Variants in TNRC18 observed in about 807,000 individuals in gnomAD.
The protein encoded by TNRC18 is trinucleotide repeat-containing gene 18 protein.
TNRC18 carries 69 observed loss-of-function variants against 226.7 expected under a neutral mutation model. The ratio of observed to expected loss-of-function variants is 0.30; its 90% CI spans 0.25 to 0.37. The LOEUF is 0.37. Among genes scored for constraint, TNRC18 ranks in the 10% least tolerant of loss-of-function variants. The pLI is 1.00. For synonymous variants in TNRC18, 2,449 were observed against 1,927.6 expected (o/e 1.27, Z -7.09); for missense variants, 4,754 against 4,256.6 (o/e 1.12, Z -3.25).
At chr7:5,351,462 G>A (rs1164375544) in intron 17 of TNRC18, among the ~76,000 whole-genome samples, 1 of 151,442 alleles carries the variant, frequency 6.6e-6, no homozygotes, top group Non-Finnish European at 1.5e-5. Context: ...GTCTCTGGGT[G>A]GGCAGAAAAC....
intron 2 of TNRC18, chr7:5,420,329 C>A (rs772864131): frequency 2.2e-6 from 1 of 454,760 alleles, no homozygotes; most frequent in East Asian, 7.0e-5. Context: ...CTCTTCTTTC[C>A]CCCTAGGTTC....
intron 2 of TNRC18, among the ~76,000 whole-genome samples, chr7:5,417,012 A>T (rs976322749): frequency 6.9e-6 from 1 of 144,466 alleles, no homozygotes; most frequent in African/African-American, 2.6e-5. Context: ...TAAGTAACAA[A>T]ATCAGCTGGG....
intron 1 of TNRC18, among the ~76,000 whole-genome samples, chr7:5,422,630 C>A (rs1410332755): frequency 1.3e-5 from 2 of 152,146 alleles, no homozygotes; most frequent in African/African-American, 2.4e-5. Flanking sequence ...CGGCGCCCTG[C>A]ACTCCGCGCC....
chr7:5,379,934 A>G (rs1779283445), intron 5 of TNRC18, among the ~76,000 whole-genome samples: 1 of 152,156 alleles, frequency 6.6e-6, no homozygotes, highest in African/African-American at 2.4e-5. Flanking sequence ...AGCCACCCCC[A>G]AGGGCCCAGT....
At chr7:5,418,078 C>T (rs1413744584) in intron 2 of TNRC18, among the ~76,000 whole-genome samples, 1 of 152,168 alleles carries the variant, frequency 6.6e-6, no homozygotes, top group East Asian at 1.9e-4. Flanking sequence ...CCAGGGCCAG[C>T]CTAGGGTGTG....
intron 21 of TNRC18, among the ~76,000 whole-genome samples, chr7:5,322,018 A>G (rs1282564714): frequency 4.0e-5 from 6 of 151,306 alleles, no homozygotes; most frequent in Admixed American, 6.6e-5. Flanking sequence ...GATGGCTCAC[A>G]CCTGTAATCC....
chr7:5,371,724 G>A (rs1794174922), intron 10 of TNRC18, among the ~76,000 whole-genome samples: 1 of 152,136 alleles, frequency 6.6e-6, no homozygotes, highest in Non-Finnish European at 1.5e-5. Context: ...GTGTGGTCTG[G>A]TCTCCACTCC....
At chr7:5,340,309 T>C (rs1790559285) in intron 18 of TNRC18, among the ~76,000 whole-genome samples, 1 of 152,218 alleles carries the variant, frequency 6.6e-6, no homozygotes, top group Non-Finnish European at 1.5e-5. Flanking sequence ...ACCCTCAATA[T>C]TCCTTGAAGC....
chr7:5,327,278 T>C (rs981908033), intron 19 of TNRC18, among the ~76,000 whole-genome samples: 5 of 152,156 alleles, frequency 3.3e-5, no homozygotes, highest in African/African-American at 1.2e-4. Flanking sequence ...GCAGAGAGCA[T>C]TAAAAGAAAC....
In TNRC18 at chr7:5,377,103, C is replaced by T; in HGVS notation, c.2462-110G>A. ...CCAAGTCCTGAACCTCCTGGGGCCT[C>T]CAGTGGGGAAGCCAAGGGACAGGGG... is the stretch of plus-strand genomic sequence containing the variant. On this transcript the variant is annotated intron_variant, in intron 7 of 29. Transcript: ENST00000430969. The surrounding 1 kb of genome is among the most constrained non-coding windows in gnomAD (Gnocchi z 5.8). 1 of 1,448,304 alleles carries T rather than the reference C, an allele frequency of 6.9e-7. No individual in the cohort carries two copies. Among genetic ancestry groups the T allele is most frequent in the South Asian group, 1.3e-5 (1 of 75,476 alleles). 89.7% of individuals were successfully genotyped at this position (1,448,304 alleles called of 1,614,324 possible).
intron 19 of TNRC18, 105 bp downstream of exon 19, chr7:5,332,517 T>C: frequency 5.4e-6 from 7 of 1,287,718 alleles, no homozygotes; most frequent in Non-Finnish European, 7.3e-6. Flanking sequence ...GAGTACATGG[T>C]TATTAACAGT....
At chr7:5,382,147 G>C (rs1451308407) in intron 5 of TNRC18, among the ~76,000 whole-genome samples, 1 of 152,154 alleles carries the variant, frequency 6.6e-6, no homozygotes, top group Non-Finnish European at 1.5e-5. Flanking sequence ...TGAGGAAACT[G>C]AGGCACAGGG....
Position 5,324,982 on chromosome 7 carries a change from G to A in TNRC18, c.6300+114C>T, listed in dbSNP as rs117860633. 1.5e-3 allele frequency: 1,970 copies of A among 1,301,016 alleles called. 36 individuals are homozygous for A. The East Asian group carries it at 0.027, about 18-fold the overall frequency. 80.6% of individuals were successfully genotyped at this position (1,301,016 alleles called of 1,614,324 possible). A position where few individuals can be genotyped will look rare whatever the true frequency, so the allele number is the denominator to read the frequency against. On this transcript the variant is annotated intron_variant, in intron 20 of 29. Transcript: ENST00000430969. This position sits in a 1 kb window ranked among gnomAD's most constrained non-coding sequence, Gnocchi z 4.8. ...CACCCTCGTCACCCGCAACCTCTCTGAGCCACAGCTATAGGGAGGGTGAAT... is the reference window on the plus strand; with the variant it reads ...CACCCTCGTCACCCGCAACCTCTCTAAGCCACAGCTATAGGGAGGGTGAAT...
chr7:5,374,178 G>T lies in TNRC18; in HGVS notation c.3106C>A (p.Pro1036Thr). 7.0e-7 allele frequency: 1 copy of T among 1,424,450 alleles called. No homozygotes were observed. 88.2% of individuals were successfully genotyped at this position (1,424,450 alleles called of 1,614,324 possible). The change falls in exon 10 of 30, where the codon CCC (proline) becomes ACC (threonine). Residue 1036 changes from proline (P) to threonine (T), a missense_variant. Pro to Thr is a conservative substitution (Grantham distance 38). Transcript: ENST00000430969. Reference protein sequence around the residue: ...TPSSHPTSPPPASPPPTPGIT... With the variant: ...TPSSHPTSPPTASPPPTPGIT... ...CCCGGGGTGGGCGGTGGGGAGGCGG[G>T]CGGCGGGCTGGTGGGGTGGGAGCTG...
intron 17 of TNRC18, among the ~76,000 whole-genome samples, chr7:5,350,840 C>T (rs892374573): frequency 1.1e-4 from 16 of 152,140 alleles, no homozygotes; most frequent in Non-Finnish European, 1.8e-4. Flanking sequence ...AAACAGAGCA[C>T]GATGCTCCGT....
intron 5 of TNRC18, among the ~76,000 whole-genome samples, chr7:5,380,595 GCCTGGACACGGGCCTCCAGGGCTA>G (rs781394096): frequency 2.0e-4 from 30 of 152,174 alleles, no homozygotes; most frequent in Non-Finnish European, 3.7e-4. Context: ...TGACGAGGGC[GCCTGGACACGGGCCTCCAGGGCTA>G]CCTGGACCTC....
At position 5,387,849 on chromosome 7, in the gene TNRC18, C is replaced by T; in HGVS notation, c.1975G>A (p.Glu659Lys). The T allele has an allele frequency of 6.2e-7, 1 of 1,601,564 alleles. No individual in the cohort carries two copies. Among genetic ancestry groups the T allele is most frequent in the Non-Finnish European group, 8.5e-7 (1 of 1,177,118 alleles). The change falls in exon 5 of 30, where the codon GAG becomes AAG. Residue 659 changes from glutamate (E) to lysine (K), a missense_variant. Coordinates refer to ENST00000430969, the MANE Select transcript of TNRC18 (RefSeq NM_001080495.3). The part of the protein sequence containing the change: ...RQLKRDPERP[E>K]SAKAFGREGS... ...TCGCGCCCGAAAGCTTTGGCGCTCT[C>T]GGGCCTCTCGGGGTCCCGCTTCAGC...
intron 2 of TNRC18, among the ~76,000 whole-genome samples, chr7:5,397,939 C>T (rs1198897717): frequency 4.6e-5 from 7 of 152,142 alleles, no homozygotes; most frequent in Non-Finnish European, 1.0e-4. Context: ...TGGAACCTGC[C>T]ACCTGTGACC....
chr7:5,361,456 G>A (rs911506267), intron 14 of TNRC18, 138 bp downstream of exon 14: 20 of 1,092,228 alleles, frequency 1.8e-5, no homozygotes, highest in South Asian at 5.3e-5. Flanking sequence ...CGTGCTCCCC[G>A]AGGGCCACTG....
Sources: gnomAD v4.1 joint callset for allele counts (sites outside exome capture counted in the v4.1 genomes callset) on GRCh38, gnomAD v4.1.1 for gene constraint, Gnocchi (gnomAD v3.1) non-coding constraint, MANE v1.5 for transcripts, NCBI Gene and HGNC (gene_info 2026-07-23, HGNC 2026-07-21) for gene names.